Variants in TULP3 observed in about 807,000 individuals in gnomAD.
TULP3 encodes tubby-related protein 3.
TULP3 carries 38 observed loss-of-function variants against 50.7 expected under a neutral mutation model. The observed-to-expected ratio is 0.75, with a 90% CI of 0.58 to 0.98. The LOEUF is 0.98. Among genes scored for constraint, TULP3 ranks in the 50% least tolerant of loss-of-function variants. The pLI is 0.00. For synonymous variants in TULP3, 183 were observed against 196.6 expected (o/e 0.93, Z 0.58); for missense variants, 550 against 568.0 (o/e 0.97, Z 0.32).
intron 4 of TULP3, among the ~76,000 whole-genome samples, chr12:2,927,841 A>G (rs2098195573): frequency 6.6e-6 from 1 of 152,178 alleles, no homozygotes; most frequent in Non-Finnish European, 1.5e-5. Flanking sequence ...TGATTCAAGG[A>G]CCATTTCAGT....
At chr12:2,895,523 C>T (rs981381376) in intron 1 of TULP3, among the ~76,000 whole-genome samples, 1 of 152,162 alleles carries the variant, frequency 6.6e-6, no homozygotes, top group Admixed American at 6.6e-5. Context: ...CTTGGTGTGT[C>T]AGTATGTGTA....
chr12:2,909,484 C>A, intron 1 of TULP3, 45 bp from the exon 2 acceptor site: 1 of 1,521,498 alleles, frequency 6.6e-7, no homozygotes, highest in Non-Finnish European at 8.9e-7. Flanking sequence ...ATTGACAAGG[C>A]GTTTTCTTTT....
chr12:2,938,362 A>G (rs1408714262), intron 10 of TULP3, 77 bp downstream of exon 10: 6 of 1,464,956 alleles, frequency 4.1e-6, no homozygotes, highest in Admixed American at 2.1e-5. Flanking sequence ...TTCCCTGTAC[A>G]TGATAGGAAG....
intron 2 of TULP3, among the ~76,000 whole-genome samples, chr12:2,916,026 T>A (rs965925058): frequency 8.5e-5 from 13 of 152,112 alleles, no homozygotes; most frequent in Admixed American, 7.9e-4. Context: ...AAGTTTTATT[T>A]ATTTTGAGAT....
intron 2 of TULP3, among the ~76,000 whole-genome samples, chr12:2,917,137 A>C (rs1346278283): frequency 6.6e-6 from 1 of 152,044 alleles, no homozygotes; most frequent in African/African-American, 2.4e-5. Context: ...AGGGAGCTCT[A>C]CTCTTTCAGT....
chr12:2,925,491 G>A (rs138722904), intron 4 of TULP3, among the ~76,000 whole-genome samples: 3 of 152,322 alleles, frequency 2.0e-5, no homozygotes, highest in East Asian at 1.9e-4. Context: ...GTCTGCCTAC[G>A]TGCTAGGGGA....
At chr12:2,897,866 G>T (rs1025969268) in intron 1 of TULP3, among the ~76,000 whole-genome samples, 1 of 151,614 alleles carries the variant, frequency 6.6e-6, no homozygotes, top group Admixed American at 6.6e-5. Context: ...ATCACCTGAG[G>T]TTAGGAGTTA....
chr12:2,912,754 C>T (rs964945107), intron 2 of TULP3, among the ~76,000 whole-genome samples: 2 of 152,114 alleles, frequency 1.3e-5, no homozygotes, highest in Non-Finnish European at 2.9e-5. Flanking sequence ...GGGAAGTTTG[C>T]GATCGGGACA....
At chr12:2,891,875 GAGACCCCCATCTCT>G (rs1479359107) in intron 1 of TULP3, among the ~76,000 whole-genome samples, 67 of 152,052 alleles carry the variant, frequency 4.4e-4, no homozygotes, top group African/African-American at 1.6e-3. Flanking sequence ...ACAAGATAGC[GAGACCCCCATCTCT>G]AGAAAAAAAT....
At chr12:2,907,475 C>CAAAAAAAAAAAAA (rs60356460) in intron 1 of TULP3, among the ~76,000 whole-genome samples, 1 of 95,826 alleles carries the variant, frequency 1.0e-5, no homozygotes, top group Non-Finnish European at 2.0e-5. Flanking sequence ...ACTCCGTCTC[C>CAAAAAAAAAAAAA]AAAAAAAAAA....
intron 1 of TULP3, among the ~76,000 whole-genome samples, chr12:2,897,975 G>C (rs1180086515): frequency 6.6e-6 from 1 of 151,024 alleles, no homozygotes; most frequent in East Asian, 2.0e-4. Context: ...CTACTTGGGA[G>C]GCTGAGGCAT....
At chr12:2,920,361 T>C (rs188007460) in intron 2 of TULP3, among the ~76,000 whole-genome samples, 24 of 152,052 alleles carry the variant, frequency 1.6e-4, no homozygotes, top group Admixed American at 1.4e-3. Flanking sequence ...ATACAAAAAA[T>C]AGCTGGGCAT....
chr12:2,895,659 A>G (rs1184264130), intron 1 of TULP3, among the ~76,000 whole-genome samples: 2 of 140,924 alleles, frequency 1.4e-5, no homozygotes, highest in African/African-American at 5.5e-5. Context: ...ATCAGTTTGA[A>G]CATGATGAAA....
intron 1 of TULP3, among the ~76,000 whole-genome samples, 185 bp downstream of exon 1, chr12:2,891,173 T>G (rs984544928): frequency 2.0e-5 from 3 of 152,118 alleles, no homozygotes; most frequent in Admixed American, 1.3e-4. Flanking sequence ...GACCCCTTTC[T>G]CAAGTGGAGC....
At chr12:2,937,013 C>T (rs1036568730) in intron 8 of TULP3, among the ~76,000 whole-genome samples, 11 of 149,732 alleles carry the variant, frequency 7.3e-5, no homozygotes, top group African/African-American at 2.2e-4. Context: ...GCACAGGAAT[C>T]GCTTGAACCC....
intron 4 of TULP3, 125 bp downstream of exon 4, chr12:2,922,527 G>T: frequency 8.3e-7 from 1 of 1,201,708 alleles, no homozygotes; most frequent in East Asian, 2.5e-5. Context: ...GCCTCACAGA[G>T]GTGACAGTGT....
At chr12:2,895,017 A>G (rs548729759) in intron 1 of TULP3, among the ~76,000 whole-genome samples, 1 of 152,376 alleles carries the variant, frequency 6.6e-6, no homozygotes, top group South Asian at 2.1e-4. Context: ...TTAAGTTCTG[A>G]GTAATGTCTG....
intron 2 of TULP3, among the ~76,000 whole-genome samples, chr12:2,913,759 C>T (rs531261403): frequency 5.8e-4 from 88 of 151,278 alleles, no homozygotes; most frequent in Non-Finnish European, 9.3e-4. Context: ...TACAGGCGTG[C>T]GCCACCACAC....
intron 1 of TULP3, among the ~76,000 whole-genome samples, chr12:2,899,919 CAAAAAAAA>C (rs1565496810): frequency 1.1e-4 from 5 of 46,712 alleles, no homozygotes; most frequent in Non-Finnish European, 1.6e-4. Context: ...AAAAAAAAAA[CAAAAAAAA>C]CTTGGAGACG....
Sources: allele counts gnomAD v4.1 joint callset (sites outside exome capture counted in the v4.1 genomes callset), GRCh38; gene constraint gnomAD v4.1.1; transcripts MANE v1.5; gene names NCBI Gene and HGNC (gene_info 2026-07-23, HGNC 2026-07-21).